NEMF: variants seen among roughly 807,000 people sequenced by gnomAD.
NEMF encodes the protein nuclear export mediator factor.
A neutral mutation model predicts 162.2 loss-of-function variants in NEMF; 89 were observed. The observed-to-expected ratio is 0.55, with a 90% CI of 0.46 to 0.65. The LOEUF is 0.65. Ranked by LOEUF, NEMF falls within the 30% of genes least tolerant of loss-of-function variation. The pLI, the probability that NEMF is intolerant of heterozygous loss-of-function variation, is 0.00. For missense variants in NEMF, 1,133 were observed against 1,261.9 expected, an observed-to-expected ratio of 0.90 and a Z score of 1.55; for synonymous variants, 421 against 404.5, an observed-to-expected ratio of 1.04 and a Z score of -0.49.
chr14:49,787,803 G>T (rs1890247658), intron 28 of NEMF, among the ~76,000 whole-genome samples: 1 of 152,000 alleles, frequency 6.6e-6, no homozygotes. Flanking sequence ...AAGCCAAAAC[G>T]AGTTTTAGTA....
At chr14:49,821,094 A>G (rs1317895978) in intron 16 of NEMF, among the ~76,000 whole-genome samples, 1 of 12,990 alleles carries the variant, frequency 7.7e-5, no homozygotes, top group African/African-American at 8.3e-5. Flanking sequence ...CTGGGAGGTG[A>G]GGAGCGTCTC....
chr14:49,817,410 A>G (rs770564175), intron 16 of NEMF, among the ~76,000 whole-genome samples: 10 of 152,242 alleles, frequency 6.6e-5, no homozygotes, highest in Non-Finnish European at 1.2e-4. Flanking sequence ...ACTGCACTTC[A>G]GCCTGGGTGA....
At chr14:49,831,980 T>C (rs1451160289) in intron 10 of NEMF, 71 bp downstream of exon 10, 6 of 1,007,264 alleles carry the variant, frequency 6.0e-6, no homozygotes, top group South Asian at 1.7e-5. Context: ...AGTTTCTCAA[T>C]AGAAGCAAGT....
chr14:49,804,633 T>C (rs1053883914), intron 19 of NEMF, among the ~76,000 whole-genome samples: 1 of 150,738 alleles, frequency 6.6e-6, no homozygotes, highest in African/African-American at 2.4e-5. Context: ...GCCATTGCAT[T>C]CTAGCCTGGG....
intron 32 of NEMF, 33 bp downstream of exon 32, chr14:49,784,892 T>G (rs774958993): frequency 1.3e-6 from 2 of 1,557,900 alleles, no homozygotes; most frequent in South Asian, 2.2e-5. Flanking sequence ...GTACTGTCAG[T>G]CTCCACATTC....
intron 16 of NEMF, among the ~76,000 whole-genome samples, chr14:49,819,862 T>C (rs1043662563): frequency 1.3e-5 from 2 of 152,118 alleles, no homozygotes; most frequent in Non-Finnish European, 2.9e-5. Context: ...GCTCTGAGGG[T>C]GTAGGATGTT....
Position 49,831,494 on chromosome 14 carries a change from G to T in NEMF, c.883-133C>A, listed in dbSNP as rs1594786083. 6 of 617,064 alleles carry T rather than the reference G, an allele frequency of 9.7e-6. No homozygotes were observed. The East Asian group carries it at 1.7e-4, about 17-fold the overall frequency. 38.2% of individuals were successfully genotyped at this position (617,064 alleles called of 1,614,324 possible). On this transcript the variant is annotated intron_variant, in intron 10 of 32. Coordinates refer to ENST00000298310, the MANE Select transcript of NEMF (RefSeq NM_004713.6). Reference sequence around the variant, plus strand: ...ACTCTGTTGCCCAGGCGGGACTGCAGTGGCGCGATCTAGGCTCACTGCAAC... The same window carrying T: ...ACTCTGTTGCCCAGGCGGGACTGCATTGGCGCGATCTAGGCTCACTGCAAC...
intron 29 of NEMF, chr14:49,785,716 C>T: frequency 5.5e-6 from 1 of 183,434 alleles, no homozygotes; most frequent in Non-Finnish European, 1.2e-5. Flanking sequence ...GGAGAAACAC[C>T]ATCTCTACAA....
chr14:49,815,820 C>G (rs942514281), intron 16 of NEMF, among the ~76,000 whole-genome samples: 1 of 151,928 alleles, frequency 6.6e-6, no homozygotes, highest in African/African-American at 2.4e-5. Flanking sequence ...AAAAATTAGC[C>G]GGGTGTGGTG....
intron 18 of NEMF, among the ~76,000 whole-genome samples, chr14:49,813,075 G>A (rs1594758594): frequency 1.3e-5 from 2 of 151,982 alleles, no homozygotes; most frequent in African/African-American, 4.8e-5. Flanking sequence ...GCATCCAGCC[G>A]AGGCTTGTTT....
At position 49,806,203 on chromosome 14, in the gene NEMF, C is replaced by T. The variant is rs144467985; in HGVS notation, c.1745-70G>A. The T allele has an allele frequency of 1.6e-3, 1,134 of 724,082 alleles. 19 individuals carry two copies. The African/African-American group carries it at 0.021, about 13-fold the overall frequency. The allele number at this position is 724,082 out of a possible 1,614,324, so 44.9% of individuals were successfully genotyped here. On this transcript the variant is annotated intron_variant, in intron 18 of 32. Transcript: ENST00000298310. ...TCTCCAGAGCAAGATATGAAAATCA[C>T]ATGCCGCATGACAGGGTCAATGATA... is the stretch of plus-strand genomic sequence containing the variant.
At chr14:49,850,436 A>G (rs1893717711) in intron 3 of NEMF, among the ~76,000 whole-genome samples, 1 of 152,214 alleles carries the variant, frequency 6.6e-6, no homozygotes, top group South Asian at 2.1e-4. Flanking sequence ...TAATTTCATG[A>G]AGGAGGTACT....
intron 18 of NEMF, among the ~76,000 whole-genome samples, chr14:49,807,410 T>C (rs191123615): frequency 3.5e-4 from 54 of 152,306 alleles, no homozygotes; most frequent in Non-Finnish European, 6.2e-4. Flanking sequence ...AAGAGAGGAA[T>C]TGCTGGGTCA....
Position 49,800,524 on chromosome 14 carries a change from C to T in NEMF, c.2268G>A (p.Glu756=). 6.2e-7 allele frequency: 1 copy of T among 1,613,830 alleles called. No homozygotes were observed. The highest frequency in any genetic ancestry group is 1.3e-5 in the African/African-American group (1 of 74,974). ...CAACAGAATCCTGATCTTTTCTAAC[C>T]TCTTCATATTCTCCTTCGTCTTCAG... ...ESSEDEGEYE[E]VRKDQDSVGE... Residue 756 remains glutamate, a synonymous_variant, in exon 23 of 33, where the codon GAG becomes GAA. Coordinates refer to ENST00000298310, the MANE Select transcript of NEMF (RefSeq NM_004713.6).
intron 5 of NEMF, among the ~76,000 whole-genome samples, chr14:49,838,529 C>T (rs1192153483): frequency 6.7e-6 from 1 of 149,702 alleles, no homozygotes; most frequent in African/African-American, 2.5e-5. Flanking sequence ...CATGCCATAT[C>T]TTAATATCCA....
chr14:49,847,047 G>T (rs1049318951), intron 3 of NEMF, among the ~76,000 whole-genome samples: 1 of 150,622 alleles, frequency 6.6e-6, no homozygotes, highest in South Asian at 2.1e-4. Context: ...CACCACACCC[G>T]GCTAATTTTT....
At chr14:49,838,014 A>C (rs921094622) in intron 6 of NEMF, 125 bp downstream of exon 6, 5 of 615,484 alleles carry the variant, frequency 8.1e-6, no homozygotes, top group African/African-American at 7.3e-5. Flanking sequence ...CTTTGACAAT[A>C]AACTCCTACT....
At chr14:49,799,393 TA>T in intron 25 of NEMF, 81 bp downstream of exon 25, 1 of 1,167,780 alleles carries the variant, frequency 8.6e-7, no homozygotes, top group Non-Finnish European at 1.2e-6. Context: ...TTTAAACAGC[TA>T]AGTAATCTGT....
At chr14:49,796,868 C>A (rs993978891) in intron 25 of NEMF, among the ~76,000 whole-genome samples, 4 of 152,124 alleles carry the variant, frequency 2.6e-5, no homozygotes, top group African/African-American at 9.7e-5. Flanking sequence ...GCATATTACC[C>A]CAAAGAAGCA....
Sources: allele counts gnomAD v4.1 joint callset (sites outside exome capture counted in the v4.1 genomes callset), GRCh38; gene constraint gnomAD v4.1.1; transcripts MANE v1.5; gene names NCBI Gene and HGNC (gene_info 2026-07-23, HGNC 2026-07-21).